ATP10B: variants seen among roughly 807,000 people sequenced by gnomAD.
The protein encoded by ATP10B is phospholipid-transporting ATPase VB.
In ATP10B, 122 loss-of-function variants were observed where a neutral mutation model predicts 141.2. The observed-to-expected ratio is 0.86, with a 90% CI of 0.75 to 1.00. ATP10B has a LOEUF of 1.00. Among genes scored for constraint, ATP10B ranks in the 50% least tolerant of loss-of-function variants. The probability of loss-of-function intolerance (pLI) is 0.00; values close to 1 mark genes in which losing one functional copy is unlikely to be tolerated. For synonymous variants in ATP10B, 685 were observed against 692.0 expected, an observed-to-expected ratio of 0.99 and a Z score of 0.16; for missense variants, 1,876 against 1,825.3, an observed-to-expected ratio of 1.03 and a Z score of -0.51.
At chr5:160,849,394 GCTAA>G (rs1412496876) in intron 1 of ATP10B, among the ~76,000 whole-genome samples, 2 of 152,094 alleles carry the variant, frequency 1.3e-5, no homozygotes, top group Non-Finnish European at 2.9e-5. Flanking sequence ...TTTTCAGGCT[GCTAA>G]CTATCTGCAA....
intron 2 of ATP10B, among the ~76,000 whole-genome samples, chr5:160,779,396 T>A (rs1407648634): frequency 6.6e-6 from 1 of 152,176 alleles, no homozygotes; most frequent in Admixed American, 6.5e-5. Flanking sequence ...ATAATTAGGT[T>A]ACAAAAGACT....
intron 2 of ATP10B, among the ~76,000 whole-genome samples, chr5:160,754,495 A>G (rs1314078608): frequency 6.6e-5 from 10 of 152,236 alleles, no homozygotes. Flanking sequence ...GTCTGTGGAA[A>G]TGAAAGATGT....
chr5:160,679,327 A>G (rs1763232407), intron 6 of ATP10B, among the ~76,000 whole-genome samples: 2 of 152,266 alleles, frequency 1.3e-5, no homozygotes, highest in South Asian at 2.1e-4. Flanking sequence ...TTAAAAAAAT[A>G]TATAATCTAT....
At chr5:160,917,295 T>G in the ATP10B span, among the ~76,000 whole-genome samples, 1 of 141,702 alleles carries the variant, frequency 7.1e-6, no homozygotes, top group Non-Finnish European at 1.5e-5. Flanking sequence ...TTTGGTGCAT[T>G]ATCTCATTAC....
At chr5:160,885,993 T>C in the ATP10B span, among the ~76,000 whole-genome samples, 2 of 152,218 alleles carry the variant, frequency 1.3e-5, no homozygotes, top group African/African-American at 2.4e-5. Flanking sequence ...GTGATCAATA[T>C]ATATTGGTTA....
chr5:160,634,772 T>A (rs1759231905), intron 11 of ATP10B, among the ~76,000 whole-genome samples, 166 bp from the exon 12 acceptor site: 1 of 152,204 alleles, frequency 6.6e-6, no homozygotes, highest in African/African-American at 2.4e-5. Flanking sequence ...TTGGAATTCT[T>A]AGGGGAATCT....
rs150327780 is a variant in ATP10B at position 160,735,115 on chromosome 5, G to A, written c.-330-18081C>T. Among the ~76,000 whole-genome samples the A allele has an allele frequency of 2.7e-4, 40 of 149,128 alleles. 1 individual carries two copies. The East Asian group carries it at 5.9e-3, about 22-fold the overall frequency. ...GAAGATTAAAAAAAAAAAAAACACC[G>A]GAAAACAAATAACAAAATGGTAGGG... On this transcript the variant is annotated intron_variant, in intron 2 of 25. Coordinates refer to ENST00000327245, the MANE Select transcript of ATP10B (RefSeq NM_025153.3).
rs200281930 is a variant in ATP10B, at chr5:160,603,184, GCA to G, written c.3238-484_3238-483del. ...TGCCCCTGGGATTACTCAGAACAAG[GCA>G]CAGTTTATAGTACTCTTTTAAAAAC... On this transcript the variant is annotated intron_variant, in intron 20 of 25. Coordinates refer to ENST00000327245, the MANE Select transcript of ATP10B (RefSeq NM_025153.3). The G allele has an allele frequency of 4.0e-3, 645 of 161,874 alleles. 7 individuals carry two copies. The highest frequency in any genetic ancestry group is 9.6e-3 in the Middle Eastern group (3 of 312). The allele number at this position is 161,874 out of a possible 1,614,324, so 10.0% of individuals were successfully genotyped here. A position where few individuals can be genotyped will look rare whatever the true frequency, so the allele number is the denominator to read the frequency against.
Position 160,598,884 on chromosome 5 carries a change from G to C in ATP10B, c.3450C>G (p.Phe1150Leu). 1.2e-6 allele frequency: 2 copies of C among 1,614,198 alleles called. No homozygotes were observed. Among genetic ancestry groups the C allele is most frequent in the East Asian group, 4.5e-5 (2 of 44,892 alleles). Residue 1150 changes from phenylalanine (F) to leucine (L), a missense_variant, in exon 22 of 26, where the codon TTC becomes TTG. Transcript: ENST00000327245. ...TMIDYWQMIF[F>L]NLFFTSLPPL... ...GAGGCAAGGAGGTAAAGAAGAGATT[G>C]AAGAATATCATCTGCCAGTAATCAA... is the stretch of plus-strand genomic sequence containing the variant.
chr5:160,585,686 A>G lies in ATP10B; in HGVS notation c.3750+3906T>C, dbSNP rs565806949. ...TCTTTAGATTTCTTTCTTGAGTAGG[A>G]GAATTTTAGACCCAGCAGTAGATGG... is the stretch of plus-strand genomic sequence containing the variant. On this transcript the variant is annotated intron_variant, in intron 24 of 25. Transcript: ENST00000327245. Among the ~76,000 whole-genome samples the G allele has an allele frequency of 2.0e-5, 3 of 152,330 alleles. No homozygotes were observed. In the East Asian group the frequency reaches 5.8e-4, roughly 29 times the overall value.
rs537202054 is a variant in ATP10B, at chr5:160,655,643, A to T, written c.676-6387T>A. ...TAGAAAAAGCCCCAGGTACAGTCTTAACTTTGATTGATGGGAGTAAGACCC... is the reference window on the plus strand; with the variant it reads ...TAGAAAAAGCCCCAGGTACAGTCTTTACTTTGATTGATGGGAGTAAGACCC... On this transcript the variant is annotated intron_variant, in intron 7 of 25. Coordinates refer to ENST00000327245, the MANE Select transcript of ATP10B (RefSeq NM_025153.3). Among the ~76,000 whole-genome samples, 25 of 152,292 alleles carry T rather than the reference A, an allele frequency of 1.6e-4. 1 individual carries two copies. The highest frequency in any genetic ancestry group is 6.0e-4 in the African/African-American group (25 of 41,566).
chr5:160,585,811 T>G (rs1046953349), intron 24 of ATP10B, among the ~76,000 whole-genome samples: 4 of 152,174 alleles, frequency 2.6e-5, no homozygotes, highest in Non-Finnish European at 5.9e-5. Context: ...GCCTTCCCAG[T>G]GCCTTCTCTT....
At chr5:160,814,739 G>C (rs1773464809) in intron 1 of ATP10B, among the ~76,000 whole-genome samples, 1 of 152,154 alleles carries the variant, frequency 6.6e-6, no homozygotes, top group Non-Finnish European at 1.5e-5. Flanking sequence ...CAGAGAGAAA[G>C]GTCAGGTTAC....
intron 6 of ATP10B, among the ~76,000 whole-genome samples, chr5:160,683,223 C>G (rs146962168): frequency 2.3e-3 from 346 of 152,162 alleles, no homozygotes; most frequent in African/African-American, 8.1e-3. Context: ...GTCCAGTGTG[C>G]TCATAACATT....
At position 160,687,957 on chromosome 5, in the gene ATP10B, A is replaced by T. The variant is rs1763864204; in HGVS notation, c.118T>A (p.Tyr40Asn). 6.2e-7 allele frequency: 1 copy of T among 1,614,006 alleles called. No individual in the cohort carries two copies. The highest frequency in any genetic ancestry group is 1.7e-5 in the Admixed American group (1 of 59,996). Reference sequence around the variant, plus strand: ...ACGACCCGCTGCTGTGTCAAGTTGTAGCTCTGTCTCCCTTTCTCTGGAGAG... The same window carrying T: ...ACGACCCGCTGCTGTGTCAAGTTGTTGCTCTGTCTCCCTTTCTCTGGAGAG... Reference protein sequence around the residue: ...LLSPEKGRQSYNLTQQRVVFP... With the variant: ...LLSPEKGRQSNNLTQQRVVFP... The change falls in exon 5 of 26, where the codon TAC (tyrosine) becomes AAC (asparagine). Residue 40 changes from tyrosine to asparagine, a missense_variant. By Grantham distance (143) the Tyr-to-Asn change is moderately radical. Transcript: ENST00000327245.
chr5:160,810,638 T>A (rs1773092444), intron 1 of ATP10B, among the ~76,000 whole-genome samples: 1 of 152,206 alleles, frequency 6.6e-6, no homozygotes, highest in Admixed American at 6.5e-5. Flanking sequence ...ATGCTTGACC[T>A]TGTAATTAAT....
In ATP10B at chr5:160,790,259, A is replaced by T. The variant is rs925049462; in HGVS notation, c.-575-4456T>A. Reference sequence around the variant, plus strand: ...ACATGTATTTTCCAATCCTATCCTCAATTGCAACTTGAAAAAAGTTTGTAA... The same window carrying T: ...ACATGTATTTTCCAATCCTATCCTCTATTGCAACTTGAAAAAAGTTTGTAA... On this transcript the variant is annotated intron_variant, in intron 1 of 25. Transcript: ENST00000327245. Among the ~76,000 whole-genome samples, 3 of 152,160 alleles carry T rather than the reference A, an allele frequency of 2.0e-5. 1 individual carries two copies. In the South Asian group the frequency reaches 6.2e-4, roughly 32 times the overall value.
intron 1 of ATP10B, among the ~76,000 whole-genome samples, chr5:160,812,748 C>G (rs1773264554): frequency 6.6e-6 from 1 of 152,024 alleles, no homozygotes; most frequent in Admixed American, 6.6e-5. Context: ...ATAAAGCACA[C>G]CTACAGGATC....
At position 160,832,362 on chromosome 5, in the gene ATP10B, A is replaced by C. The variant is rs947914905; in HGVS notation, c.-576+19579T>G. ...AGTGATGGCTCAACCAATATAACAA[A>C]ATACTATATAAATACTCAAAAGAAT... On this transcript the variant is annotated intron_variant, in intron 1 of 25. Transcript: ENST00000327245. 3.3e-5 allele frequency among the ~76,000 whole-genome samples: 5 copies of C among 152,148 alleles called. 1 individual carries two copies. Among genetic ancestry groups the C allele is most frequent in the Admixed American group, 3.3e-4 (5 of 15,258 alleles).
Sources: gnomAD v4.1 joint callset for allele counts (sites outside exome capture counted in the v4.1 genomes callset) on GRCh38, gnomAD v4.1.1 for gene constraint, MANE v1.5 for transcripts, NCBI Gene and HGNC (gene_info 2026-07-23, HGNC 2026-07-21) for gene names.